The following GLP2R variants were observed in gnomAD, a reference collection of about 807,000 sequenced individuals.
The protein encoded by GLP2R is glucagon-like peptide 2 receptor.
In GLP2R, 59 loss-of-function variants were observed where a neutral mutation model predicts 68.2. The observed-to-expected ratio is 0.87, with a 90% CI of 0.70 to 1.07. The LOEUF (loss-of-function observed/expected upper bound fraction) is 1.07. Among genes scored for constraint, GLP2R ranks in the 50% least tolerant of loss-of-function variants. GLP2R has a pLI of 0.00. For missense variants in GLP2R, 548 were observed against 677.4 expected, an observed-to-expected ratio of 0.81 and a Z score of 2.12; for synonymous variants, 270 against 265.4, an observed-to-expected ratio of 1.02 and a Z score of -0.17.
At chr17:9,861,268 T>G in intron 8 of GLP2R, 69 bp downstream of exon 8, 1 of 1,021,808 alleles carries the variant, frequency 9.8e-7, no homozygotes. Context: ...ATACAAAGAA[T>G]GACATCATTT....
At position 9,826,209 on chromosome 17, in the gene GLP2R, G is replaced by A. The variant is rs2066627019; in HGVS notation, c.146G>A (p.Gly49Glu). 6.2e-7 allele frequency: 1 copy of A among 1,612,544 alleles called. No homozygotes were observed. ...FHRKCSLWAP[G>E]RPFLTLVLLV... is the part of the protein sequence containing the mutation. Reference sequence around the variant, plus strand: ...AGGAAGTGCTCTCTCTGGGCCCCTGGGAGGCCCTTCCTCACTCTGGTCCTG... The same window carrying A: ...AGGAAGTGCTCTCTCTGGGCCCCTGAGAGGCCCTTCCTCACTCTGGTCCTG... The change falls in exon 1 of 13, where the codon GGG becomes GAG. Residue 49 changes from glycine (G) to glutamate (E), a missense_variant. Coordinates refer to ENST00000262441, the MANE Select transcript of GLP2R (RefSeq NM_004246.3).
Position 9,890,371 on chromosome 17 carries a change from C to G in GLP2R, c.*666C>G, listed in dbSNP as rs577322116. On this transcript the variant is annotated 3_prime_UTR_variant, in exon 13 of 13. Transcript: ENST00000262441. ...TCCTTGGAGAGTATGTAACTCCACC[C>G]ACCAGAGTGCCACTCCTCTCTGCTC... 4 of 244,526 alleles carry G rather than the reference C, an allele frequency of 1.6e-5. No individual in the cohort carries two copies. The highest frequency in any genetic ancestry group is 5.0e-5 in the Admixed American group (1 of 19,828). 15.1% of individuals were successfully genotyped at this position (244,526 alleles called of 1,614,324 possible). A position where few individuals can be genotyped will look rare whatever the true frequency, so the allele number is the denominator to read the frequency against.
chr17:9,843,321 A>G (rs1386333232), intron 4 of GLP2R, among the ~76,000 whole-genome samples: 1 of 152,014 alleles, frequency 6.6e-6, no homozygotes, highest in Non-Finnish European at 1.5e-5. Flanking sequence ...TCATATCCAG[A>G]CTCTGCTCTT....
intron 1 of GLP2R, among the ~76,000 whole-genome samples, chr17:9,828,153 C>G (rs947104853): frequency 3.3e-5 from 5 of 152,126 alleles, no homozygotes; most frequent in Non-Finnish European, 5.9e-5. Flanking sequence ...CAGATAACCC[C>G]TGCCAGATTT....
chr17:9,849,400 A>G (rs2066871198), intron 4 of GLP2R, among the ~76,000 whole-genome samples: 1 of 152,040 alleles, frequency 6.6e-6, no homozygotes. Context: ...CAACCAAGTA[A>G]AATTAACAGT....
At chr17:9,830,273 A>T (rs922217819) in intron 1 of GLP2R, among the ~76,000 whole-genome samples, 2 of 152,210 alleles carry the variant, frequency 1.3e-5, no homozygotes, top group African/African-American at 4.8e-5. Flanking sequence ...CTCTTCCTTA[A>T]TCAGGTCCCG....
intron 4 of GLP2R, among the ~76,000 whole-genome samples, chr17:9,845,429 A>T (rs1448016375): frequency 6.6e-6 from 1 of 152,200 alleles, no homozygotes; most frequent in Non-Finnish European, 1.5e-5. Context: ...GGAGCCACCT[A>T]GCCTCTCTGC....
At position 9,854,000 on chromosome 17, in the gene GLP2R, C is replaced by A. The variant is rs111434226; in HGVS notation, c.505-495C>A. Among the ~76,000 whole-genome samples, 664 of 152,310 alleles carry A rather than the reference C, an allele frequency of 4.4e-3. 7 individuals carry two copies. Among genetic ancestry groups the A allele is most frequent in the African/African-American group, 0.015 (627 of 41,566 alleles). On this transcript the variant is annotated intron_variant, in intron 4 of 12. Transcript: ENST00000262441. ...TTATCCTGTGTTCACAATCAGGCGA[C>A]CTGGGACTCAGAGAAAATATTGCAA...
intron 9 of GLP2R, among the ~76,000 whole-genome samples, chr17:9,869,013 C>T (rs1369720802): frequency 6.6e-6 from 1 of 152,192 alleles, no homozygotes; most frequent in African/African-American, 2.4e-5. Context: ...CCTAAATATT[C>T]TTTGGCTAGG....
At chr17:9,863,055 C>A (rs1164264759) in intron 9 of GLP2R, among the ~76,000 whole-genome samples, 1 of 152,160 alleles carries the variant, frequency 6.6e-6, no homozygotes, top group African/African-American at 2.4e-5. Flanking sequence ...AGGCCTGTGT[C>A]ATCTCTGGTC....
At chr17:9,867,883 T>A (rs1162127183) in intron 9 of GLP2R, among the ~76,000 whole-genome samples, 1 of 152,204 alleles carries the variant, frequency 6.6e-6, no homozygotes, top group Non-Finnish European at 1.5e-5. Context: ...ACTGGCCTTG[T>A]CCCTCTTTAG....
At chr17:9,857,184 G>C (rs940691523) in intron 5 of GLP2R, among the ~76,000 whole-genome samples, 2 of 152,176 alleles carry the variant, frequency 1.3e-5, no homozygotes, top group African/African-American at 4.8e-5. Context: ...CCTCCAAAGT[G>C]CTGGGATTAC....
intron 11 of GLP2R, among the ~76,000 whole-genome samples, chr17:9,881,298 A>C (rs1449882081): frequency 7.5e-6 from 1 of 133,994 alleles, no homozygotes; most frequent in Non-Finnish European, 1.5e-5. Flanking sequence ...TAGGCGTTCC[A>C]TGTGTTTTCT....
intron 6 of GLP2R, among the ~76,000 whole-genome samples, chr17:9,858,042 A>G (rs902431579): frequency 5.9e-5 from 9 of 152,224 alleles, no homozygotes; most frequent in Non-Finnish European, 1.2e-4. Flanking sequence ...TAGCGTTTAC[A>G]TTGCATTAAG....
At chr17:9,887,893 C>T (rs373653958) in intron 11 of GLP2R, 39 bp from the exon 12 acceptor site, 74 of 1,535,560 alleles carry the variant, frequency 4.8e-5, no homozygotes, top group Middle Eastern at 3.4e-4. Context: ...ACATCTTCTC[C>T]GGAGTCAGAT....
chr17:9,854,411 C>A, intron 4 of GLP2R, 84 bp from the exon 5 acceptor site: 1 of 818,642 alleles, frequency 1.2e-6, no homozygotes, highest in Non-Finnish European at 2.1e-6. Context: ...TGCCTAGGCC[C>A]TTGGTGGCCC....
At chr17:9,865,974 C>T (rs1021171313) in intron 9 of GLP2R, 73 of 467,646 alleles carry the variant, frequency 1.6e-4, no homozygotes, top group Admixed American at 7.3e-4. Context: ...TATCAGTTTA[C>T]AAGAAGATAA....
intron 1 of GLP2R, among the ~76,000 whole-genome samples, chr17:9,827,080 G>A (rs2066638918): frequency 6.6e-6 from 1 of 152,042 alleles, no homozygotes; most frequent in African/African-American, 2.4e-5. Context: ...TGTTGGCCAG[G>A]CTGGTCTTGA....
intron 11 of GLP2R, among the ~76,000 whole-genome samples, chr17:9,885,352 G>T (rs111353558): frequency 0.02 from 3,000 of 151,776 alleles, 98 homozygotes; most frequent in African/African-American, 0.068. Context: ...ACCACACACG[G>T]CCTCATTTTA....
Sources: gnomAD v4.1 joint callset for allele counts (sites outside exome capture counted in the v4.1 genomes callset) on GRCh38, gnomAD v4.1.1 for gene constraint, MANE v1.5 for transcripts, NCBI Gene and HGNC (gene_info 2026-07-23, HGNC 2026-07-21) for gene names.